ZNF773: variants seen among roughly 807,000 people sequenced by gnomAD.
The protein encoded by ZNF773 is zinc finger protein 773.
A neutral mutation model predicts 12.8 loss-of-function variants in ZNF773; 11 were observed. The observed-to-expected ratio is 0.86, with a 90% CI of 0.54 to 1.42. The LOEUF (loss-of-function observed/expected upper bound fraction) is 1.42, where lower values mean the gene tolerates loss of function less well. ZNF773 is among the 40% of genes most tolerant of loss of function. ZNF773 has a pLI of 0.00. For synonymous variants in ZNF773, 175 were observed against 178.4 expected, an observed-to-expected ratio of 0.98 and a Z score of 0.15; for missense variants, 518 against 527.2, an observed-to-expected ratio of 0.98 and a Z score of 0.17.
At chr19:57,510,001 T>A (rs1006603812), downstream of ZNF773, among the ~76,000 whole-genome samples, 3 of 152,200 alleles carry the variant, frequency 2.0e-5, no homozygotes, top group Non-Finnish European at 4.4e-5. Flanking sequence ...TATAGACCAA[T>A]AACCACATGA....
chr19:57,507,011 A>G lies in ZNF773; in HGVS notation c.916A>G (p.Ser306Gly). 1.2e-6 allele frequency: 2 copies of G among 1,614,238 alleles called. No homozygotes were observed. Among genetic ancestry groups the G allele is most frequent in the Non-Finnish European group, 1.7e-6 (2 of 1,180,044 alleles). ...IHTGVRPYEC[S>G]ECGKLFSFNS... ...CACTGGAGTAAGGCCTTATGAGTGC[A>G]GTGAATGTGGAAAATTGTTTAGTTT... The change falls in exon 4 of 4, where the codon AGT becomes GGT. Residue 306 changes from serine to glycine, a missense_variant. Transcript: ENST00000282292.
intron 1 of ZNF773, among the ~76,000 whole-genome samples, chr19:57,502,172 T>C (rs6650759): frequency 0.21 from 31,410 of 151,874 alleles, 3,362 homozygotes; most frequent in African/African-American, 0.25. Flanking sequence ...AAACTCCCAA[T>C]CTCAGGTGAT....
chr19:57,518,067 G>C (rs968675561), downstream of ZNF773: 9 of 153,572 alleles, frequency 5.9e-5, no homozygotes, highest in Non-Finnish European at 8.8e-5. Context: ...AACAGAAAAG[G>C]GGGGAGGTTG....
intron 1 of ZNF773, among the ~76,000 whole-genome samples, chr19:57,504,003 A>G (rs887805556): frequency 2.6e-5 from 4 of 152,226 alleles, no homozygotes; most frequent in African/African-American, 9.6e-5. Flanking sequence ...GACATTGGGC[A>G]GGAACAGCTT....
chr19:57,512,982 C>G (rs769773000), downstream of ZNF773: 4 of 1,514,110 alleles, frequency 2.6e-6, no homozygotes, highest in Non-Finnish European at 2.6e-6. Context: ...TAAAACAGAT[C>G]TTTTTGTCTT....
downstream of ZNF773, chr19:57,513,038 A>C (rs371619308): frequency 2.6e-6 from 4 of 1,566,934 alleles, no homozygotes; most frequent in African/African-American, 4.2e-5. Context: ...ACCGACAGCC[A>C]CAAGTGGCGC....
Position 57,504,733 on chromosome 19 carries a change from G to A in ZNF773, c.110G>A (p.Arg37Lys), listed in dbSNP as rs865877326. The A allele has an allele frequency of 1.9e-6, 3 of 1,613,868 alleles. No homozygotes were observed. The highest frequency in any genetic ancestry group is 1.6e-4 in the Middle Eastern group (1 of 6,062). The change falls in exon 2 of 4, where the codon AGG becomes AAG. Residue 37 changes from arginine (R) to lysine (K), a missense_variant. Coordinates refer to ENST00000282292, the MANE Select transcript of ZNF773 (RefSeq NM_198542.3). ...TGGAGATTGCTTGATGACGCTCAGA[G>A]GCTCCTCTACCGCAATGTGATGCTG... Reference protein sequence around the residue: ...EEWRLLDDAQRLLYRNVMLEN... With the variant: ...EEWRLLDDAQKLLYRNVMLEN...
chr19:57,504,990 G>T lies in ZNF773; in HGVS notation c.163+204G>T. 7.4e-6 allele frequency: 7 copies of T among 943,450 alleles called. 1 individual carries two copies. Among genetic ancestry groups the T allele is most frequent in the Non-Finnish European group, 1.2e-5 (7 of 604,248 alleles). 58.4% of individuals were successfully genotyped at this position (943,450 alleles called of 1,614,324 possible). A position where few individuals can be genotyped will look rare whatever the true frequency, so the allele number is the denominator to read the frequency against. Reference sequence around the variant, plus strand: ...CTGCCCCACAGCTGTGCAGGAAAGGGTTTGGGGGTCAGGAGTCTTGCAGTC... The same window carrying T: ...CTGCCCCACAGCTGTGCAGGAAAGGTTTTGGGGGTCAGGAGTCTTGCAGTC... On this transcript the variant is annotated intron_variant, in intron 2 of 3. Transcript: ENST00000282292.
intron 1 of ZNF773, among the ~76,000 whole-genome samples, chr19:57,501,195 G>T (rs1314166915): frequency 6.6e-6 from 1 of 152,142 alleles, no homozygotes; most frequent in African/African-American, 2.4e-5. Context: ...TAGAAGGGAG[G>T]GCTCTCAGCA....
chr19:57,516,163 T>A (rs777265620), downstream of ZNF773: 3 of 155,652 alleles, frequency 1.9e-5, no homozygotes, highest in Non-Finnish European at 2.9e-5. Flanking sequence ...GTACGAGCCA[T>A]GAGCTAGTTG....
chr19:57,510,363 C>G (rs1227058027), downstream of ZNF773, among the ~76,000 whole-genome samples: 1 of 152,034 alleles, frequency 6.6e-6, no homozygotes, highest in Non-Finnish European at 1.5e-5. Flanking sequence ...CAAACTAGAA[C>G]AAGATGGTGA....
downstream of ZNF773, chr19:57,508,231 T>C: frequency 8.7e-7 from 1 of 1,153,006 alleles, no homozygotes; most frequent in Non-Finnish European, 1.1e-6. Flanking sequence ...CATCCAAATA[T>C]GCACACTGGA....
downstream of ZNF773, chr19:57,508,305 C>CCTCTCTCTGGAGCTCCA: frequency 8.4e-7 from 1 of 1,196,044 alleles, no homozygotes; most frequent in Non-Finnish European, 1.1e-6. Flanking sequence ...CTTGGAGCTC[C>CCTCTCTCTGGAGCTCCA]AGAGAGAGGG....
chr19:57,500,280 T>G (rs894738417), intron 1 of ZNF773, among the ~76,000 whole-genome samples, 167 bp downstream of exon 1: 4 of 151,866 alleles, frequency 2.6e-5, no homozygotes, highest in Non-Finnish European at 4.4e-5. Flanking sequence ...CTCGCAAAGA[T>G]GTGAGGCGCA....
At chr19:57,503,911 G>A (rs2089697437) in intron 1 of ZNF773, among the ~76,000 whole-genome samples, 1 of 152,060 alleles carries the variant, frequency 6.6e-6, no homozygotes, top group Non-Finnish European at 1.5e-5. Context: ...ACCTGCCTCC[G>A]CCTCCAAAAG....
rs189905602 is a variant in ZNF773 at position 57,506,604 on chromosome 19, C to T, written c.509C>T (p.Thr170Met). ...SGVLKHQVTH[T>M]GEKSHRSSKS... Reference sequence around the variant, plus strand: ...GTTCTCAAGCACCAGGTGACTCACACGGGAGAGAAGTCACATAGGAGCTCC... The same window carrying T: ...GTTCTCAAGCACCAGGTGACTCACATGGGAGAGAAGTCACATAGGAGCTCC... Residue 170 changes from threonine (T) to methionine (M), a missense_variant, in exon 4 of 4, where the codon ACG (threonine) becomes ATG (methionine). Transcript: ENST00000282292. 12 of 1,614,140 alleles carry T rather than the reference C, an allele frequency of 7.4e-6. No individual in the cohort carries two copies. The highest frequency in any genetic ancestry group is 1.6e-4 in the Middle Eastern group (1 of 6,062).
At position 57,508,135 on chromosome 19, in the gene ZNF773, C is replaced by T. The variant is rs2089764402; in HGVS notation, c.*711C>T. ...CAGCTTGGGTGACAGAGTGAGACTT[C>T]GTCTCAAAAAAAAAAAAAAAAAACA... is the stretch of plus-strand genomic sequence containing the variant. On this transcript the variant is annotated 3_prime_UTR_variant, in exon 4 of 4. Coordinates refer to ENST00000282292, the MANE Select transcript of ZNF773 (RefSeq NM_198542.3). The T allele has an allele frequency of 1.2e-5, 11 of 896,132 alleles. No individual in the cohort carries two copies. Among genetic ancestry groups the T allele is most frequent in the Middle Eastern group, 5.8e-4 (1 of 1,728 alleles). 55.5% of individuals were successfully genotyped at this position (896,132 alleles called of 1,614,324 possible).
chr19:57,504,609 A>G (rs746021949), intron 1 of ZNF773, 48 bp from the exon 2 acceptor site: 2 of 1,606,288 alleles, frequency 1.2e-6, no homozygotes. Flanking sequence ...GGATGCCTAA[A>G]TTCCCCAGTA....
At chr19:57,504,154 T>G (rs556700414) in intron 1 of ZNF773, among the ~76,000 whole-genome samples, 1 of 152,220 alleles carries the variant, frequency 6.6e-6, no homozygotes, top group Admixed American at 6.5e-5. Flanking sequence ...TCAGTGCCAT[T>G]GGAGGTCTAG....
Sources: gnomAD v4.1 joint callset for allele counts (sites outside exome capture counted in the v4.1 genomes callset) on GRCh38, gnomAD v4.1.1 for gene constraint, MANE v1.5 for transcripts, NCBI Gene and HGNC (gene_info 2026-07-23, HGNC 2026-07-21) for gene names.